FAM171A1: variants seen among roughly 807,000 people sequenced by gnomAD.
FAM171A1 encodes family with sequence similarity 171 member A1, also known as protein FAM171A1.
In FAM171A1, 23 loss-of-function variants were observed where a neutral mutation model predicts 74.9. The observed-to-expected ratio is 0.31, with a 90% CI of 0.22 to 0.44. FAM171A1 has a LOEUF of 0.44. FAM171A1 is among the 20% of genes least tolerant of loss of function. The pLI, the probability that FAM171A1 is intolerant of heterozygous loss-of-function variation, is 1.00. For synonymous variants in FAM171A1, 527 were observed against 505.7 expected, an observed-to-expected ratio of 1.04 and a Z score of -0.57; for missense variants, 1,162 against 1,159.2, an observed-to-expected ratio of 1.00 and a Z score of -0.03.
intron 1 of FAM171A1, among the ~76,000 whole-genome samples, chr10:15,353,951 T>C (rs17156584): frequency 0.1 from 15,466 of 152,306 alleles, 839 homozygotes; most frequent in Middle Eastern, 0.17. Flanking sequence ...GCCGTGGGCA[T>C]GCACGCTCAT....
intron 2 of FAM171A1, 56 bp from the exon 3 acceptor site, chr10:15,276,003 A>G: frequency 7.6e-7 from 1 of 1,309,170 alleles, no homozygotes; most frequent in South Asian, 1.3e-5. Flanking sequence ...TTAAGTGCCT[A>G]CTCTAATTTT....
intron 3 of FAM171A1, among the ~76,000 whole-genome samples, chr10:15,271,686 G>C (rs1336396250): frequency 6.6e-6 from 1 of 152,116 alleles, no homozygotes; most frequent in Admixed American, 6.6e-5. Context: ...CAGGTCTCTC[G>C]GCAGAAACTT....
chr10:15,219,573 A>G (rs1442510918), intron 6 of FAM171A1, among the ~76,000 whole-genome samples: 13 of 152,092 alleles, frequency 8.5e-5, no homozygotes, highest in Non-Finnish European at 1.8e-4. Context: ...ATCAAGGGAA[A>G]CACATTAATC....
At chr10:15,337,747 G>C (rs1279882976) in intron 1 of FAM171A1, among the ~76,000 whole-genome samples, 2 of 152,198 alleles carry the variant, frequency 1.3e-5, no homozygotes, top group Non-Finnish European at 2.9e-5. Flanking sequence ...TCGGGAATTT[G>C]AGAACAGCCT....
chr10:15,275,787 C>T (rs990231411), intron 3 of FAM171A1, 68 bp downstream of exon 3: 4 of 1,066,640 alleles, frequency 3.8e-6, no homozygotes, highest in Non-Finnish European at 5.6e-6. Context: ...ACATTGTACA[C>T]CATAAATGTA....
rs145560856 is a variant in FAM171A1, at chr10:15,225,503, G to A, written c.755-4443C>T. On this transcript the variant is annotated intron_variant, in intron 5 of 7. Coordinates refer to ENST00000378116, the MANE Select transcript of FAM171A1 (RefSeq NM_001010924.2). ...TTTGTGGGAGGAAATAAGCTCCAGG[G>A]AGTATGGGAATTAGCAAATTGTGTA... Among the ~76,000 whole-genome samples, 619 of 152,326 alleles carry A rather than the reference G, an allele frequency of 4.1e-3. 2 individuals are homozygous for A. Among genetic ancestry groups the A allele is most frequent in the Non-Finnish European group, 4.6e-3 (314 of 68,030 alleles).
At chr10:15,369,854 T>G (rs1364377403) in intron 1 of FAM171A1, among the ~76,000 whole-genome samples, 1 of 152,214 alleles carries the variant, frequency 6.6e-6, no homozygotes, top group African/African-American at 2.4e-5. Flanking sequence ...CACACCCTTC[T>G]GAGGGGACAG....
chr10:15,260,604 T>C (rs1825714838), intron 3 of FAM171A1, among the ~76,000 whole-genome samples: 1 of 152,212 alleles, frequency 6.6e-6, no homozygotes. Context: ...GTGAAATGCA[T>C]GGCACTATGT....
intron 2 of FAM171A1, among the ~76,000 whole-genome samples, chr10:15,281,355 C>A (rs769794212): frequency 1.3e-5 from 2 of 152,050 alleles, no homozygotes; most frequent in Admixed American, 6.5e-5. Context: ...AAAGGCAAAG[C>A]GCAGAAAAAT....
At chr10:15,257,735 G>T (rs1834599157) in intron 3 of FAM171A1, among the ~76,000 whole-genome samples, 1 of 152,174 alleles carries the variant, frequency 6.6e-6, no homozygotes, top group Non-Finnish European at 1.5e-5. Context: ...ACAAAGCACA[G>T]GCAACACCTA....
chr10:15,214,115 G>C lies in FAM171A1; in HGVS notation c.1473C>G (p.Thr491=), dbSNP rs144392914. The C allele has an allele frequency of 1.9e-6, 3 of 1,614,142 alleles. No homozygotes were observed. In the African/African-American group the frequency reaches 4.0e-5, roughly 22 times the overall value. ...TTTCAAATAAAGGCTGTGAGAGCAC[G>C]GTGTTGTAACTACCCCTGTAGTCAT... ...GNDDYRGSYN[T]VLSQPLFEKQ... is the part of the protein sequence containing the mutation. The change falls in exon 8 of 8, where the codon ACC becomes ACG. Residue 491 remains threonine (T), a synonymous_variant. Coordinates refer to ENST00000378116, the MANE Select transcript of FAM171A1 (RefSeq NM_001010924.2).
chr10:15,354,460 C>CA (rs1445958964), intron 1 of FAM171A1, among the ~76,000 whole-genome samples: 2 of 152,044 alleles, frequency 1.3e-5, no homozygotes, highest in Non-Finnish European at 2.9e-5. Context: ...CACGCCACTA[C>CA]ACTCCAGCCT....
At chr10:15,240,653 T>C (rs1834352243) in intron 5 of FAM171A1, 11 of 946,802 alleles carry the variant, frequency 1.2e-5, no homozygotes, top group Non-Finnish European at 1.4e-5. Context: ...TCTAGTTCTC[T>C]CTCCTAAGAG....
chr10:15,214,640 A>G, intron 7 of FAM171A1, 39 bp from the exon 8 acceptor site: 1 of 1,508,194 alleles, frequency 6.6e-7, no homozygotes, highest in Non-Finnish European at 8.8e-7. Flanking sequence ...AAGATTAGTG[A>G]TTCTCACAAT....
chr10:15,323,534 C>T (rs146348182), intron 1 of FAM171A1, among the ~76,000 whole-genome samples: 9 of 152,202 alleles, frequency 5.9e-5, no homozygotes, highest in African/African-American at 1.4e-4. Flanking sequence ...TATCATCATA[C>T]GATCAGTACG....
intron 2 of FAM171A1, among the ~76,000 whole-genome samples, chr10:15,276,167 T>A (rs1332298725): frequency 6.6e-6 from 1 of 152,142 alleles, no homozygotes; most frequent in African/African-American, 2.4e-5. Context: ...CTTTTTTCAT[T>A]TGTTAGAAGT....
chr10:15,303,186 T>A (rs1026518596), intron 1 of FAM171A1, among the ~76,000 whole-genome samples: 3 of 151,782 alleles, frequency 2.0e-5, no homozygotes, highest in Middle Eastern at 3.4e-3. Flanking sequence ...CAAAGCTCCA[T>A]CTCAAAAAAA....
intron 1 of FAM171A1, among the ~76,000 whole-genome samples, chr10:15,302,784 T>C (rs922234683): frequency 6.6e-6 from 1 of 152,264 alleles, no homozygotes; most frequent in Non-Finnish European, 1.5e-5. Context: ...AAAATGTGCA[T>C]GTGTTTAGTG....
At chr10:15,359,990 G>A (rs1009970949) in intron 1 of FAM171A1, among the ~76,000 whole-genome samples, 36 of 152,146 alleles carry the variant, frequency 2.4e-4, no homozygotes, top group African/African-American at 8.5e-4. Context: ...GTTGGAGTGC[G>A]GTTATGTGAT....
Sources: gnomAD v4.1 joint callset for allele counts (sites outside exome capture counted in the v4.1 genomes callset) on GRCh38, gnomAD v4.1.1 for gene constraint, MANE v1.5 for transcripts, NCBI Gene and HGNC (gene_info 2026-07-23, HGNC 2026-07-21) for gene names.